The following STXBP5 variants were observed in gnomAD, a reference collection of about 807,000 sequenced individuals.
STXBP5 encodes the protein syntaxin binding protein 5.
In STXBP5, 50 loss-of-function variants were observed where a neutral mutation model predicts 152.4. The observed-to-expected ratio is 0.33, with a 90% CI of 0.26 to 0.42. STXBP5 has a LOEUF of 0.42. Among genes scored for constraint, STXBP5 ranks in the 10% least tolerant of loss-of-function variants. The pLI is 1.00. For synonymous variants in STXBP5, 492 were observed against 494.7 expected, an observed-to-expected ratio of 0.99 and a Z score of 0.07; for missense variants, 1,167 against 1,388.6, an observed-to-expected ratio of 0.84 and a Z score of 2.54.
intron 22 of STXBP5, among the ~76,000 whole-genome samples, chr6:147,354,200 C>T (rs1784717233): frequency 1.3e-5 from 2 of 152,110 alleles, no homozygotes; most frequent in Non-Finnish European, 2.9e-5. Flanking sequence ...GTTTGCTATG[C>T]ATCATACAAA....
At chr6:147,356,938 G>T (rs1482335047) in intron 22 of STXBP5, among the ~76,000 whole-genome samples, 1 of 152,142 alleles carries the variant, frequency 6.6e-6, no homozygotes, top group African/African-American at 2.4e-5. Context: ...AATCCTAATG[G>T]AACAGCAGAA....
intron 21 of STXBP5, among the ~76,000 whole-genome samples, chr6:147,346,118 G>A (rs1279727683): frequency 6.6e-6 from 1 of 152,172 alleles, no homozygotes; most frequent in African/African-American, 2.4e-5. Flanking sequence ...CATGCTTTCA[G>A]TTTGAAGGTC....
intron 21 of STXBP5, among the ~76,000 whole-genome samples, chr6:147,352,111 G>A (rs1417548295): frequency 6.6e-6 from 1 of 152,168 alleles, no homozygotes; most frequent in Admixed American, 6.5e-5. Flanking sequence ...GTGGATTCCA[G>A]TAAGTTTATA....
At chr6:147,299,213 A>G (rs1286310953) in intron 9 of STXBP5, among the ~76,000 whole-genome samples, 3 of 151,344 alleles carry the variant, frequency 2.0e-5, no homozygotes, top group Admixed American at 6.6e-5. Flanking sequence ...ACAAGAAACT[A>G]TGATGAATAA....
chr6:147,204,496 C>T lies in STXBP5; in HGVS notation c.-37C>T. On this transcript the variant is annotated 5_prime_UTR_variant, in exon 1 of 28. Transcript: ENST00000321680. This position sits in a 1 kb window ranked among gnomAD's most constrained non-coding sequence, Gnocchi z 4.3. ...TCCCCCGCCCGGGGACCCCCTGTGC[C>T]TCCCCTCCCGGGCTGCGGGGGAGCC... 6.2e-7 allele frequency: 1 copy of T among 1,605,864 alleles called. No homozygotes were observed.
intron 25 of STXBP5, 99 bp downstream of exon 25, chr6:147,364,265 G>T (rs1785195091): frequency 9.1e-7 from 1 of 1,098,834 alleles, no homozygotes; most frequent in South Asian, 1.8e-5. Flanking sequence ...CTATACAAGT[G>T]AGCCTGCTTG....
intron 9 of STXBP5, among the ~76,000 whole-genome samples, chr6:147,301,287 A>C (rs557620820): frequency 6.6e-6 from 1 of 152,234 alleles, no homozygotes; most frequent in South Asian, 2.1e-4. Context: ...CAACAATCTC[A>C]TTACTTTATG....
chr6:147,228,800 C>T (rs1777857056), intron 2 of STXBP5, among the ~76,000 whole-genome samples: 1 of 151,940 alleles, frequency 6.6e-6, no homozygotes, highest in Non-Finnish European at 1.5e-5. Context: ...ATTGGGATTT[C>T]CTGAGCAATT....
rs574042911 is a variant in STXBP5 at position 147,224,420 on chromosome 6, G to T, written c.249-10830G>T. ...CCAGCCTGGGAGACAGACTGAGACT[G>T]TGTCTCCAGATAAATAAAATAAAAT... On this transcript the variant is annotated intron_variant, in intron 2 of 27. Coordinates refer to ENST00000321680, the MANE Select transcript of STXBP5 (RefSeq NM_001127715.4). 3.3e-5 allele frequency among the ~76,000 whole-genome samples: 5 copies of T among 152,282 alleles called. No homozygotes were observed. In the South Asian group the frequency reaches 1.0e-3, roughly 32 times the overall value.
chr6:147,313,734 A>G, intron 11 of STXBP5, 150 bp from the exon 12 acceptor site: 1 of 541,868 alleles, frequency 1.8e-6, no homozygotes, highest in East Asian at 3.3e-5. Context: ...TTTCATTATA[A>G]AAGACTTCCA....
Position 147,327,153 on chromosome 6 carries a change from G to A in STXBP5, c.1957G>A (p.Ala653Thr). The A allele has an allele frequency of 6.2e-7, 1 of 1,613,294 alleles. No individual in the cohort carries two copies. Among genetic ancestry groups the A allele is most frequent in the Non-Finnish European group, 8.5e-7 (1 of 1,179,824 alleles). ...GGTTTTTGGCAATTGCAATGGCATT[G>A]CTATGGTTGACTACCTCCAGAAAGC... ...LVVFGNCNGI[A>T]MVDYLQKAVL... Residue 653 changes from alanine (A) to threonine (T), a missense_variant, in exon 18 of 28, where the codon GCT (alanine) becomes ACT (threonine). Ala to Thr is a moderately conservative substitution (Grantham distance 58, BLOSUM62 0). Transcript: ENST00000321680.
At chr6:147,311,008 G>C (rs1782347801) in intron 10 of STXBP5, among the ~76,000 whole-genome samples, 1 of 151,944 alleles carries the variant, frequency 6.6e-6, no homozygotes, top group Admixed American at 6.6e-5. Context: ...TTTAAATCTG[G>C]ACCTTTTTTC....
In STXBP5 at chr6:147,363,576, A is replaced by C; in HGVS notation, c.2787A>C (p.Pro929=). ...AGCAAGCAAAAGTAATCTCACTGCC[A>C]ACCCAGAACTGTGCTTATAAGCAAA... ...SEKQAKVISL[P]TQNCAYKQNI... The change falls in exon 24 of 28, where the codon CCA becomes CCC. Residue 929 remains proline (P), a synonymous_variant. Transcript: ENST00000321680. The C allele has an allele frequency of 6.2e-7, 1 of 1,614,220 alleles. No homozygotes were observed. Among genetic ancestry groups the C allele is most frequent in the Non-Finnish European group, 8.5e-7 (1 of 1,180,040 alleles).
chr6:147,330,145 G>T (rs987255240), intron 18 of STXBP5, among the ~76,000 whole-genome samples: 7 of 152,036 alleles, frequency 4.6e-5, no homozygotes, highest in African/African-American at 1.7e-4. Context: ...CTGTCACAAG[G>T]ACAAACAGTA....
chr6:147,366,877 A>T (rs1348899483), intron 25 of STXBP5, among the ~76,000 whole-genome samples: 1 of 152,244 alleles, frequency 6.6e-6, no homozygotes, highest in Non-Finnish European at 1.5e-5. Flanking sequence ...ATGAAATTCA[A>T]GAAAACTTAA....
chr6:147,353,308 T>C lies in STXBP5; in HGVS notation c.2255-15T>C, dbSNP rs761050710. Reference sequence around the variant, plus strand: ...AATATTCTTCAGAATTTTAAAAATGTCTTTTATTTTTCAGCAAAGATGTCA... The same window carrying C: ...AATATTCTTCAGAATTTTAAAAATGCCTTTTATTTTTCAGCAAAGATGTCA... On this transcript the variant is annotated splice_polypyrimidine_tract_variant and intron_variant, in intron 21 of 27. Coordinates refer to ENST00000321680, the MANE Select transcript of STXBP5 (RefSeq NM_001127715.4). 1 of 1,557,996 alleles carries C rather than the reference T, an allele frequency of 6.4e-7. No individual in the cohort carries two copies. The highest frequency in any genetic ancestry group is 1.2e-5 in the South Asian group (1 of 82,850).
At chr6:147,310,291 A>G in intron 10 of STXBP5, 53 bp downstream of exon 10, 1 of 1,319,150 alleles carries the variant, frequency 7.6e-7, no homozygotes, top group South Asian at 2.5e-5. Flanking sequence ...ATATTAAAAA[A>G]AAAAAAAAGA....
At chr6:147,302,594 A>G (rs1781875613) in intron 9 of STXBP5, among the ~76,000 whole-genome samples, 1 of 149,348 alleles carries the variant, frequency 6.7e-6, no homozygotes, top group Non-Finnish European at 1.5e-5. Flanking sequence ...AGGTGGGCAG[A>G]TCATGAGGTC....
At chr6:147,206,686 T>C (rs1387328809) in intron 2 of STXBP5, among the ~76,000 whole-genome samples, 1 of 152,178 alleles carries the variant, frequency 6.6e-6, no homozygotes, top group Non-Finnish European at 1.5e-5. Context: ...ATTTGTTATG[T>C]ATTTGTAAAA....
Sources: gnomAD v4.1 joint callset for allele counts (sites outside exome capture counted in the v4.1 genomes callset) on GRCh38, gnomAD v4.1.1 for gene constraint, Gnocchi (gnomAD v3.1) non-coding constraint, MANE v1.5 for transcripts, NCBI Gene and HGNC (gene_info 2026-07-23, HGNC 2026-07-21) for gene names.